GPHN: variants seen among roughly 807,000 people sequenced by gnomAD.
The protein encoded by GPHN is gephyrin.
A neutral mutation model predicts 95.5 loss-of-function variants in GPHN; 17 were observed. The observed-to-expected ratio is 0.18, with a 90% CI of 0.12 to 0.27. GPHN has a LOEUF of 0.27. Ranked by LOEUF, GPHN falls within the 10% of genes least tolerant of loss-of-function variation. The pLI is 1.00. For missense variants in GPHN, 660 were observed against 978.1 expected (o/e 0.67, Z 4.34); for synonymous variants, 320 against 322.5 (o/e 0.99, Z 0.08).
At chr14:67,366,137 T>A in the GPHN span, among the ~76,000 whole-genome samples, 1 of 151,270 alleles carries the variant, frequency 6.6e-6, no homozygotes, top group South Asian at 2.1e-4. Context: ...GGCTGCAGTG[T>A]AGTGGTATGA....
intron 2 of GPHN, among the ~76,000 whole-genome samples, chr14:66,748,478 T>C (rs8008369): frequency 0.31 from 47,742 of 151,716 alleles, 11,491 homozygotes; most frequent in African/African-American, 0.65. Flanking sequence ...ATCAACATTC[T>C]TTACCAGAGT....
intron 17 of GPHN, among the ~76,000 whole-genome samples, chr14:67,135,901 C>G (rs1410928205): frequency 6.6e-6 from 1 of 152,020 alleles, no homozygotes; most frequent in African/African-American, 2.4e-5. Context: ...TTGCACAATC[C>G]TTGGAGATAT....
At chr14:67,348,938 GA>G in the GPHN span, 7 of 1,138,074 alleles carry the variant, frequency 6.2e-6, no homozygotes, top group East Asian at 1.7e-4. Flanking sequence ...TAAGTAGAAG[GA>G]AGAAACTAGG....
the GPHN span, chr14:67,223,967 T>C: frequency 1.2e-5 from 12 of 984,974 alleles, no homozygotes; most frequent in Non-Finnish European, 1.4e-5. Flanking sequence ...ATTTATATTA[T>C]AGGCGGAAAT....
chr14:67,650,462 T>C, the GPHN span: 2 of 491,658 alleles, frequency 4.1e-6, no homozygotes, highest in East Asian at 3.5e-5. Flanking sequence ...ATGCCTGTTA[T>C]GTTAGTTGAA....
At position 66,888,595 on chromosome 14, in the gene GPHN, A is replaced by T. The variant is rs190644796; in HGVS notation, c.389+8562A>T. Among the ~76,000 whole-genome samples the T allele has an allele frequency of 5.4e-3, 826 of 152,232 alleles. 14 individuals carry two copies. The highest frequency in any genetic ancestry group is 0.019 in the African/African-American group (791 of 41,548). ...GGAAAATAGGTACAGGATGTACATT[A>T]AAAAAATGAGAAAAGAATTAAAATA... On this transcript the variant is annotated intron_variant, in intron 5 of 22. Transcript: ENST00000478722.
At chr14:67,390,995 C>G in the GPHN span, among the ~76,000 whole-genome samples, 9 of 152,044 alleles carry the variant, frequency 5.9e-5, no homozygotes, top group Non-Finnish European at 1.2e-4. Context: ...CAAAGAGAGT[C>G]CATGCAGAAG....
the GPHN span, among the ~76,000 whole-genome samples, chr14:67,546,951 A>C: frequency 6.6e-6 from 1 of 152,130 alleles, no homozygotes; most frequent in South Asian, 2.1e-4. Context: ...TGTCTACCCT[A>C]TTCCTCAGGG....
At chr14:67,236,903 C>G in the GPHN span, among the ~76,000 whole-genome samples, 2 of 151,990 alleles carry the variant, frequency 1.3e-5, no homozygotes, top group African/African-American at 4.8e-5. Flanking sequence ...GCCTGGCCAA[C>G]ATGGTGAAAC....
chr14:67,278,752 T>C, the GPHN span, among the ~76,000 whole-genome samples: 4 of 152,238 alleles, frequency 2.6e-5, no homozygotes, highest in Non-Finnish European at 4.4e-5. Flanking sequence ...CCTACTTTGC[T>C]AAACTTTCCA....
intron 18 of GPHN, among the ~76,000 whole-genome samples, chr14:67,143,968 G>A (rs924892685): frequency 6.6e-6 from 1 of 151,558 alleles, no homozygotes; most frequent in Non-Finnish European, 1.5e-5. Flanking sequence ...CAGGCACAGT[G>A]GCTCAAGCCT....
chr14:66,833,953 T>A (rs8012660), intron 4 of GPHN, among the ~76,000 whole-genome samples: 48,756 of 152,056 alleles, frequency 0.32, 12,339 homozygotes, highest in African/African-American at 0.68. Flanking sequence ...AACAAAGACC[T>A]TCATGTTCAA....
chr14:66,611,320 G>A (rs577311951), intron 1 of GPHN, among the ~76,000 whole-genome samples: 1 of 152,244 alleles, frequency 6.6e-6, no homozygotes, highest in South Asian at 2.1e-4. Context: ...AAGGCCATTG[G>A]TAGTGGTGGT....
At chr14:66,678,166 A>G (rs2066719937) in intron 1 of GPHN, among the ~76,000 whole-genome samples, 1 of 152,156 alleles carries the variant, frequency 6.6e-6, no homozygotes, top group South Asian at 2.1e-4. Flanking sequence ...CCATTATTTT[A>G]CGAAATAAGT....
chr14:67,734,675 G>A, the GPHN span, among the ~76,000 whole-genome samples: 6 of 152,208 alleles, frequency 3.9e-5, no homozygotes, highest in Non-Finnish European at 8.8e-5. Flanking sequence ...TAGGCAGACA[G>A]AGAAAAAGCA....
intron 3 of GPHN, among the ~76,000 whole-genome samples, chr14:66,788,155 A>C (rs2059846475): frequency 6.6e-6 from 1 of 152,142 alleles, no homozygotes; most frequent in African/African-American, 2.4e-5. Flanking sequence ...CTAAAAATAC[A>C]AAAACTACCC....
the GPHN span, among the ~76,000 whole-genome samples, chr14:67,289,194 C>G: frequency 6.6e-6 from 1 of 152,196 alleles, no homozygotes; most frequent in Non-Finnish European, 1.5e-5. Flanking sequence ...TCTCAAACTC[C>G]TGACTTCGTG....
chr14:66,721,107 T>C (rs2070699907), intron 2 of GPHN, among the ~76,000 whole-genome samples: 1 of 152,218 alleles, frequency 6.6e-6, no homozygotes. Context: ...ATTAGAGTTG[T>C]GGAAATTCTT....
intron 5 of GPHN, among the ~76,000 whole-genome samples, chr14:66,901,577 C>T (rs1291763357): frequency 6.6e-6 from 1 of 151,986 alleles, no homozygotes; most frequent in East Asian, 1.9e-4. Context: ...GGTCTAATTT[C>T]ATACCTCTGC....
Sources: gnomAD v4.1 joint callset for allele counts (sites outside exome capture counted in the v4.1 genomes callset) on GRCh38, gnomAD v4.1.1 for gene constraint, MANE v1.5 for transcripts, NCBI Gene and HGNC (gene_info 2026-07-23, HGNC 2026-07-21) for gene names.